CD6: variants seen among roughly 807,000 people sequenced by gnomAD.
The protein encoded by CD6 is CD6 molecule.
A neutral mutation model predicts 75.3 loss-of-function variants in CD6; 53 were observed. The ratio of observed to expected loss-of-function variants is 0.70; its 90% CI spans 0.56 to 0.88. The LOEUF is 0.88. CD6 is among the 40% of genes least tolerant of loss of function. The pLI is 0.00. For missense variants in CD6, 770 were observed against 897.1 expected, an observed-to-expected ratio of 0.86 and a Z score of 1.81; for synonymous variants, 359 against 381.5, an observed-to-expected ratio of 0.94 and a Z score of 0.69.
Position 60,975,385 on chromosome 11 carries a change from T to A in CD6, c.49+3471T>A, listed in dbSNP as rs60159349. Among the ~76,000 whole-genome samples, 520 of 152,364 alleles carry A rather than the reference T, an allele frequency of 3.4e-3. 4 individuals are homozygous for A. The highest frequency in any genetic ancestry group is 0.012 in the African/African-American group (487 of 41,600). On this transcript the variant is annotated intron_variant, in intron 1 of 12. Transcript: ENST00000313421. Reference sequence around the variant, plus strand: ...TTTGAAGATGAGTTTCAAGAAAGAATGTAAAATATTTCAACAAATTTTATG... The same window carrying A: ...TTTGAAGATGAGTTTCAAGAAAGAAAGTAAAATATTTCAACAAATTTTATG...
At position 61,007,760 on chromosome 11, in the gene CD6, C is replaced by T. The variant is rs1858938252; in HGVS notation, c.319C>T (p.Pro107Ser). The change falls in exon 3 of 13, where the codon CCG (proline) becomes TCG (serine). Residue 107 changes from proline to serine, a missense_variant. Transcript: ENST00000313421. This position sits in a 1 kb window ranked among gnomAD's most constrained non-coding sequence, Gnocchi z 4.2. ...LAPPTPELPP[P>S]PAAGNTSVAA... Reference sequence around the variant, plus strand: ...CCCGCCGACCCCTGAGCTGCCGCCCCCGCCTGCAGCCGGGAACACCAGCGT... The same window carrying T: ...CCCGCCGACCCCTGAGCTGCCGCCCTCGCCTGCAGCCGGGAACACCAGCGT... The T allele has an allele frequency of 7.5e-6, 11 of 1,459,446 alleles. No homozygotes were observed. Among genetic ancestry groups the T allele is most frequent in the East Asian group, 3.0e-5 (1 of 33,106 alleles). The allele number at this position is 1,459,446 out of a possible 1,614,324, so 90.4% of individuals were successfully genotyped here. A position where few individuals can be genotyped will look rare whatever the true frequency, so the allele number is the denominator to read the frequency against.
In CD6 at chr11:60,971,771, G is replaced by C; in HGVS notation, c.-95G>C. The C allele has an allele frequency of 7.9e-7, 1 of 1,266,520 alleles. No individual in the cohort carries two copies. The allele number at this position is 1,266,520 out of a possible 1,614,324, so 78.5% of individuals were successfully genotyped here. A position where few individuals can be genotyped will look rare whatever the true frequency, so the allele number is the denominator to read the frequency against. ...GAACAGCAAAGGGTAGAGCAGACCT[G>C]CGCCAGGGGCGCACAACGGCCGTGT... On this transcript the variant is annotated 5_prime_UTR_variant, in exon 1 of 13. Coordinates refer to ENST00000313421, the MANE Select transcript of CD6 (RefSeq NM_006725.5).
chr11:61,014,472 C>G (rs962937193), intron 8 of CD6, among the ~76,000 whole-genome samples: 1 of 152,182 alleles, frequency 6.6e-6, no homozygotes, highest in African/African-American at 2.4e-5. Context: ...CAGTGGCTCA[C>G]GCCTGTAATC....
At chr11:60,982,826 GTCTGCAGGGAC>G (rs57594427) in intron 1 of CD6, 351,597 of 431,814 alleles carry the variant, frequency 0.81, 143,964 homozygotes, top group East Asian at 0.98. Context: ...GAGAAGCCCA[GTCTGCAGGGAC>G]TCTTTCCAGG....
At chr11:60,982,709 G>T in intron 1 of CD6, 1 of 456,052 alleles carries the variant, frequency 2.2e-6, no homozygotes, top group Non-Finnish European at 4.4e-6. Flanking sequence ...GACAATGTCT[G>T]AGCTGGAAGA....
rs1859057162 is a variant in CD6 at position 61,009,752 on chromosome 11, C to T, written c.962C>T (p.Ser321Phe). ...AVERPKGLPH[S>F]LSGRMYYSCN... ...GAGAGGCCCAAGGGGCTGCCCCACT[C>T]CTTGTCCGGCAGGATGTACTACTCA... Residue 321 changes from serine to phenylalanine, a missense_variant, in exon 5 of 13, where the codon TCC (serine) becomes TTC (phenylalanine). Physicochemically the swap from Ser to Phe is radical, Grantham distance 155 (BLOSUM62 -2). Coordinates refer to ENST00000313421, the MANE Select transcript of CD6 (RefSeq NM_006725.5). 6.2e-7 allele frequency: 1 copy of T among 1,613,842 alleles called. No individual in the cohort carries two copies.
chr11:61,005,357 C>T (rs539029316), intron 1 of CD6, among the ~76,000 whole-genome samples: 1 of 152,176 alleles, frequency 6.6e-6, no homozygotes, highest in African/African-American at 2.4e-5. Context: ...CCCGAGGGAC[C>T]TCACAGGGGG....
At chr11:61,006,942 A>G (rs1858889732) in intron 2 of CD6, among the ~76,000 whole-genome samples, 1 of 152,020 alleles carries the variant, frequency 6.6e-6, no homozygotes, top group South Asian at 2.1e-4. Context: ...TCCTTGATTT[A>G]CTCAGCAGAC....
chr11:60,986,201 A>C (rs1857808836), intron 1 of CD6, among the ~76,000 whole-genome samples: 2 of 152,218 alleles, frequency 1.3e-5, no homozygotes, highest in African/African-American at 4.8e-5. Context: ...ACCACATTAG[A>C]AGGAATGCAA....
intron 1 of CD6, chr11:60,982,518 C>T (rs1332905997): frequency 6.7e-6 from 3 of 450,580 alleles, no homozygotes; most frequent in African/African-American, 2.0e-5. Flanking sequence ...CAGGCGGGCG[C>T]GGGGAGACAG....
chr11:61,015,889 C>G, intron 9 of CD6, 54 bp downstream of exon 9: 2 of 1,605,032 alleles, frequency 1.2e-6, no homozygotes, highest in South Asian at 1.1e-5. Context: ...TGGGAGGGGG[C>G]CCCGAGGGGA....
intron 1 of CD6, among the ~76,000 whole-genome samples, chr11:61,004,193 CA>C (rs1200100207): frequency 6.6e-6 from 1 of 152,136 alleles, no homozygotes; most frequent in African/African-American, 2.4e-5. Flanking sequence ...TTCACACACA[CA>C]GTCGTAATCA....
chr11:60,986,476 C>G (rs1482804396), intron 1 of CD6, among the ~76,000 whole-genome samples: 2 of 152,208 alleles, frequency 1.3e-5, no homozygotes, highest in African/African-American at 4.8e-5. Flanking sequence ...CCATGTCACT[C>G]TTCAGCTTTT....
In CD6 at chr11:61,020,004, C is replaced by T. The variant is rs1859596626; in HGVS notation, c.*686C>T. 2 of 397,040 alleles carry T rather than the reference C, an allele frequency of 5.0e-6. No homozygotes were observed. Among genetic ancestry groups the T allele is most frequent in the South Asian group, 2.8e-4 (2 of 7,026 alleles). 24.6% of individuals were successfully genotyped at this position (397,040 alleles called of 1,614,324 possible). ...CTGCCCCAGAGACACTCCAAGTCCGCCAGGGGCACAGACCAGTTCTGCAGT... is the reference window on the plus strand; with the variant it reads ...CTGCCCCAGAGACACTCCAAGTCCGTCAGGGGCACAGACCAGTTCTGCAGT... On this transcript the variant is annotated 3_prime_UTR_variant, in exon 13 of 13. Coordinates refer to ENST00000313421, the MANE Select transcript of CD6 (RefSeq NM_006725.5).
At chr11:60,999,463 G>A (rs1220527306) in intron 1 of CD6, among the ~76,000 whole-genome samples, 1 of 151,184 alleles carries the variant, frequency 6.6e-6, no homozygotes, top group Non-Finnish European at 1.5e-5. Flanking sequence ...TGTGGGTCCT[G>A]GAAAACCTTC....
chr11:60,997,234 C>T (rs1858341869), intron 1 of CD6, among the ~76,000 whole-genome samples: 1 of 151,908 alleles, frequency 6.6e-6, no homozygotes, highest in South Asian at 2.1e-4. Context: ...AAAAAGTAGC[C>T]AGGCATGGTG....
intron 8 of CD6, among the ~76,000 whole-genome samples, chr11:61,014,258 G>A (rs1859298243): frequency 6.6e-6 from 1 of 152,190 alleles, no homozygotes; most frequent in Non-Finnish European, 1.5e-5. Flanking sequence ...ACAAATACAG[G>A]CAAAGCACGT....
intron 1 of CD6, among the ~76,000 whole-genome samples, chr11:60,974,077 G>A (rs557720896): frequency 3.0e-4 from 45 of 152,230 alleles, no homozygotes; most frequent in Middle Eastern, 3.4e-3. Context: ...GACCATATTG[G>A]GGAAAGGAGA....
In CD6 at chr11:60,971,877, C is replaced by T; in HGVS notation, c.12C>T (p.Phe4=). 6.2e-7 allele frequency: 1 copy of T among 1,614,000 alleles called. No individual in the cohort carries two copies. Among genetic ancestry groups the T allele is most frequent in the Non-Finnish European group, 8.5e-7 (1 of 1,179,964 alleles). Residue 4 remains phenylalanine, a synonymous_variant, in exon 1 of 13, where the codon TTC becomes TTT. Coordinates refer to ENST00000313421, the MANE Select transcript of CD6 (RefSeq NM_006725.5). ...AGACAGCTCCAGACATGTGGCTCTTCTTCGGGATCACTGGATTGCTGACGG... is the reference window on the plus strand; with the variant it reads ...AGACAGCTCCAGACATGTGGCTCTTTTTCGGGATCACTGGATTGCTGACGG... The part of the protein sequence containing the change: MWL[F]FGITGLLTAA...
Sources: gnomAD v4.1 joint callset for allele counts (sites outside exome capture counted in the v4.1 genomes callset) on GRCh38, gnomAD v4.1.1 for gene constraint, Gnocchi (gnomAD v3.1) non-coding constraint, MANE v1.5 for transcripts, NCBI Gene and HGNC (gene_info 2026-07-23, HGNC 2026-07-21) for gene names.